TNPO3: variants seen among roughly 807,000 people sequenced by gnomAD.
TNPO3 encodes the protein transportin-3.
A neutral mutation model predicts 122.8 loss-of-function variants in TNPO3; 65 were observed. The ratio of observed to expected loss-of-function variants is 0.53; its 90% CI spans 0.43 to 0.65. The LOEUF (loss-of-function observed/expected upper bound fraction) is 0.65, where lower values mean the gene tolerates loss of function less well. Ranked by LOEUF, TNPO3 falls within the 30% of genes least tolerant of loss-of-function variation. TNPO3 has a pLI of 0.00. For missense variants in TNPO3, 850 were observed against 1,136.7 expected, an observed-to-expected ratio of 0.75 and a Z score of 3.63; for synonymous variants, 372 against 411.2, an observed-to-expected ratio of 0.90 and a Z score of 1.15.
At chr7:128,960,841 C>A (rs1797377771) in intron 21 of TNPO3, among the ~76,000 whole-genome samples, 1 of 151,990 alleles carries the variant, frequency 6.6e-6, no homozygotes, top group African/African-American at 2.4e-5. Context: ...CCCACTGCAA[C>A]CTCTGTCTCC....
intron 8 of TNPO3, among the ~76,000 whole-genome samples, chr7:128,995,981 G>A (rs1470713977): frequency 6.6e-6 from 1 of 152,188 alleles, no homozygotes; most frequent in African/African-American, 2.4e-5. Flanking sequence ...TTACAGGCAT[G>A]AGCCACCACG....
At position 128,975,943 on chromosome 7, in the gene TNPO3, G is replaced by C. The variant is rs1486585360; in HGVS notation, c.2062-8C>G. On this transcript the variant is annotated splice_polypyrimidine_tract_variant and splice_region_variant and intron_variant, in intron 16 of 22. Transcript: ENST00000265388. ...GTGGTACACATTCACCATCTGTTGA[G>C]GGAAAAAACAATTAGTTCAATGCTT... The C allele has an allele frequency of 3.8e-6, 6 of 1,588,134 alleles. No homozygotes were observed. The Admixed American group carries it at 1.0e-4, about 27-fold the overall frequency.
chr7:128,980,754 G>A (rs1799548129), intron 14 of TNPO3, among the ~76,000 whole-genome samples: 1 of 152,170 alleles, frequency 6.6e-6, no homozygotes, highest in African/African-American at 2.4e-5. Context: ...ACCTGAATAT[G>A]TAGTTTCTTC....
chr7:129,035,168 G>T (rs1215713735), intron 1 of TNPO3, among the ~76,000 whole-genome samples: 1 of 151,986 alleles, frequency 6.6e-6, no homozygotes, highest in African/African-American at 2.4e-5. Flanking sequence ...CAGCTACTCG[G>T]GAGGCTGAGG....
chr7:128,964,162 T>C (rs1029992410), intron 21 of TNPO3, among the ~76,000 whole-genome samples: 1 of 152,088 alleles, frequency 6.6e-6, no homozygotes, highest in African/African-American at 2.4e-5. Context: ...AATGGAACAA[T>C]ATACTGTATT....
At chr7:129,008,746 C>G (rs1158810108) in intron 4 of TNPO3, among the ~76,000 whole-genome samples, 1 of 152,164 alleles carries the variant, frequency 6.6e-6, no homozygotes, top group East Asian at 1.9e-4. Context: ...CTCTCTCCCC[C>G]TCAACCTGTC....
Position 128,982,280 on chromosome 7 carries a change from T to C in TNPO3, c.1827A>G (p.Thr609=). 1 of 1,613,454 alleles carries C rather than the reference T, an allele frequency of 6.2e-7. No homozygotes were observed. Among genetic ancestry groups the C allele is most frequent in the Non-Finnish European group, 8.5e-7 (1 of 1,179,574 alleles). Residue 609 remains threonine (T), a synonymous_variant, in exon 14 of 23, where the codon ACA becomes ACG. Transcript: ENST00000265388. Reference sequence around the variant, plus strand: ...TCACTGCAAGGCGATCTAAGAACACTGTGGGATCTGAGGATATGCCATTGC... The same window carrying C: ...TCACTGCAAGGCGATCTAAGAACACCGTGGGATCTGAGGATATGCCATTGC... ...EPSNGISSDP[T]VFLDRLAVIF... is the part of the protein sequence containing the mutation.
intron 10 of TNPO3, 66 bp downstream of exon 10, chr7:128,991,933 A>C (rs1372671729): frequency 4.2e-6 from 5 of 1,185,922 alleles, no homozygotes; most frequent in Non-Finnish European, 6.0e-6. Context: ...AAGAAAAAAA[A>C]AATAGTGTCA....
In TNPO3 at chr7:128,964,342, T is replaced by TG. The variant is rs1231219390; in HGVS notation, c.2711+2937_2711+2938insC. Among the ~76,000 whole-genome samples the TG allele has an allele frequency of 4.4e-5, 6 of 135,094 alleles. No homozygotes were observed. The East Asian group carries it at 9.8e-4, about 22-fold the overall frequency. The allele number at this position is 135,094 out of a possible 152,430, so 88.6% of individuals were successfully genotyped here. A position where few individuals can be genotyped will look rare whatever the true frequency, so the allele number is the denominator to read the frequency against. ...AAGTGGCCAAAACAATCTTTTTTTT[T>TG]TTTTTTTTTTTGAGACGGAGCCTCG... On this transcript the variant is annotated intron_variant, in intron 21 of 22. Coordinates refer to ENST00000265388, the MANE Select transcript of TNPO3 (RefSeq NM_012470.4).
At chr7:129,047,672 C>G (rs1336727299) in intron 1 of TNPO3, among the ~76,000 whole-genome samples, 1 of 152,332 alleles carries the variant, frequency 6.6e-6, no homozygotes, top group Non-Finnish European at 1.5e-5. Context: ...GAACTATACT[C>G]AATTACTCTC....
At chr7:129,051,551 G>A (rs1808771963) in intron 1 of TNPO3, among the ~76,000 whole-genome samples, 1 of 151,876 alleles carries the variant, frequency 6.6e-6, no homozygotes, top group South Asian at 2.1e-4. Context: ...TGCCCAGGCT[G>A]GTCTTGAACT....
intron 1 of TNPO3, among the ~76,000 whole-genome samples, chr7:129,053,293 C>T (rs1166808784): frequency 1.3e-5 from 2 of 150,866 alleles, no homozygotes; most frequent in East Asian, 3.9e-4. Context: ...CCACTGCACT[C>T]CTCCAGCCTG....
intron 1 of TNPO3, among the ~76,000 whole-genome samples, chr7:129,034,618 G>C (rs376312566): frequency 6.6e-6 from 1 of 151,140 alleles, no homozygotes; most frequent in African/African-American, 2.4e-5. Flanking sequence ...GGCCAGGCGC[G>C]GTGGCTCACG....
At chr7:129,001,865 T>C (rs1801987757) in intron 5 of TNPO3, among the ~76,000 whole-genome samples, 1 of 152,238 alleles carries the variant, frequency 6.6e-6, no homozygotes, top group South Asian at 2.1e-4. Context: ...ATGTGTTCCC[T>C]ACCCTATTCT....
intron 1 of TNPO3, among the ~76,000 whole-genome samples, chr7:129,022,455 C>G (rs1242246408): frequency 6.7e-6 from 1 of 150,102 alleles, no homozygotes; most frequent in Non-Finnish European, 1.5e-5. Flanking sequence ...AGAGCAAGAC[C>G]CCGTTTCTTA....
At chr7:129,005,243 T>C (rs1345084841) in intron 4 of TNPO3, 84 bp from the exon 5 acceptor site, 1 of 1,250,446 alleles carries the variant, frequency 8.0e-7, no homozygotes, top group Non-Finnish European at 1.1e-6. Context: ...AGTATAATAA[T>C]GAGAAAGATG....
In TNPO3 at chr7:128,954,933, T is replaced by G. The variant is rs528444706; in HGVS notation, c.*484A>C. The G allele has an allele frequency of 3.0e-5, 5 of 167,430 alleles. No individual in the cohort carries two copies. Among genetic ancestry groups the G allele is most frequent in the African/African-American group, 7.2e-5 (3 of 41,512 alleles). 10.4% of individuals were successfully genotyped at this position (167,430 alleles called of 1,614,324 possible). ...ATTTAATTCATGTGAATCCCCACAT[T>G]ATCCCTAAGTAAATATTTTGTTTCA... On this transcript the variant is annotated 3_prime_UTR_variant, in exon 23 of 23. Transcript: ENST00000265388.
At chr7:128,978,197 T>C (rs1436849955) in intron 16 of TNPO3, among the ~76,000 whole-genome samples, 1 of 152,238 alleles carries the variant, frequency 6.6e-6, no homozygotes, top group Non-Finnish European at 1.5e-5. Flanking sequence ...AGGCATCTCA[T>C]ACAGTTCTAG....
chr7:128,954,722 C>T lies in TNPO3; in HGVS notation c.*695G>A, dbSNP rs1270519204. On this transcript the variant is annotated 3_prime_UTR_variant, in exon 23 of 23. Coordinates refer to ENST00000265388, the MANE Select transcript of TNPO3 (RefSeq NM_012470.4). ...GAAAGCAGAACAAGTTCCTTGCTTA[C>T]TCCTCCTTGTCTAAACAACTCTAAA... The T allele has an allele frequency of 6.5e-6, 1 of 152,944 alleles. No individual in the cohort carries two copies. Among genetic ancestry groups the T allele is most frequent in the Non-Finnish European group, 1.5e-5 (1 of 68,602 alleles). The allele number at this position is 152,944 out of a possible 1,614,324, so 9.5% of individuals were successfully genotyped here. A position where few individuals can be genotyped will look rare whatever the true frequency, so the allele number is the denominator to read the frequency against.
Sources: allele counts gnomAD v4.1 joint callset (sites outside exome capture counted in the v4.1 genomes callset), GRCh38; gene constraint gnomAD v4.1.1; transcripts MANE v1.5; gene names NCBI Gene and HGNC (gene_info 2026-07-23, HGNC 2026-07-21).